The following QRICH1 variants were observed in gnomAD, a reference collection of about 807,000 sequenced individuals.
QRICH1 encodes the protein glutamine rich 1, also known as transcriptional regulator QRICH1.
Under a neutral mutation model 87.1 loss-of-function variants are expected in QRICH1, and 16 were observed. The ratio of observed to expected loss-of-function variants is 0.18; its 90% confidence interval spans 0.12 to 0.28. The LOEUF is 0.28. Ranked by LOEUF, QRICH1 falls within the 10% of genes least tolerant of loss-of-function variation. QRICH1 has a pLI of 1.00. For missense variants in QRICH1, 647 were observed against 951.7 expected, an observed-to-expected ratio of 0.68 and a Z score of 4.21; for synonymous variants, 367 against 368.4, an observed-to-expected ratio of 1.00 and a Z score of 0.05.
chr3:49,038,398 C>CT (rs1198498819), intron 6 of QRICH1, among the ~76,000 whole-genome samples: 2 of 151,594 alleles, frequency 1.3e-5, no homozygotes, highest in East Asian at 3.9e-4. Flanking sequence ...ATGGATTTAC[C>CT]TTTTTTGTTG....
chr3:49,037,337 A>G (rs760790457), intron 6 of QRICH1, among the ~76,000 whole-genome samples: 1 of 152,266 alleles, frequency 6.6e-6, no homozygotes, highest in Non-Finnish European at 1.5e-5. Flanking sequence ...ACTACACTAC[A>G]GAGTGCAATC....
At chr3:49,044,651 A>C in intron 5 of QRICH1, 147 bp from the exon 6 acceptor site, 1 of 589,522 alleles carries the variant, frequency 1.7e-6, no homozygotes. Flanking sequence ...TGACACTTCC[A>C]TAGTATGCCT....
intron 2 of QRICH1, among the ~76,000 whole-genome samples, chr3:49,058,820 A>G (rs1423878439): frequency 6.6e-6 from 1 of 151,310 alleles, no homozygotes; most frequent in Non-Finnish European, 1.5e-5. Flanking sequence ...TAGAGACAGG[A>G]TTTCTCCATG....
At chr3:49,052,754 C>T (rs1196120969) in intron 3 of QRICH1, among the ~76,000 whole-genome samples, 2 of 152,230 alleles carry the variant, frequency 1.3e-5, no homozygotes, top group East Asian at 1.9e-4. Context: ...CCACCCACCT[C>T]GGCCTCCAAA....
intron 8 of QRICH1, 170 bp from the exon 9 acceptor site, chr3:49,032,443 T>C (rs2093247074): frequency 2.2e-6 from 2 of 889,636 alleles, no homozygotes; most frequent in African/African-American, 1.7e-5. Flanking sequence ...AGCTATTCTG[T>C]CTGGGGCTTC....
intron 1 of QRICH1, among the ~76,000 whole-genome samples, chr3:49,088,022 G>C (rs1159963904): frequency 6.6e-6 from 1 of 150,596 alleles, no homozygotes; most frequent in African/African-American, 2.4e-5. Flanking sequence ...CACAATCTCG[G>C]CTCACTGCAA....
Position 49,047,048 on chromosome 3 carries a change from CTCT to C in QRICH1, c.1516+18_1516+20del. On this transcript the variant is annotated intron_variant, in intron 4 of 9. Transcript: ENST00000395443. ...ACCATTGCATTTTAGACACAGCCCA[CTCT>C]TCTTCCAAGACACTCACTCCCAATG... The C allele has an allele frequency of 6.3e-7, 1 of 1,599,080 alleles. No individual in the cohort carries two copies. Among genetic ancestry groups the C allele is most frequent in the East Asian group, 2.2e-5 (1 of 44,554 alleles).
intron 2 of QRICH1, among the ~76,000 whole-genome samples, chr3:49,059,064 C>T (rs1244031674): frequency 6.6e-6 from 1 of 151,636 alleles, no homozygotes; most frequent in Admixed American, 6.6e-5. Flanking sequence ...CGGGTTCACG[C>T]CATTCTCCTG....
intron 5 of QRICH1, among the ~76,000 whole-genome samples, chr3:49,045,761 A>G (rs1205197929): frequency 5.3e-5 from 8 of 150,552 alleles, no homozygotes; most frequent in Non-Finnish European, 1.2e-4. Context: ...TACCATACCC[A>G]GCTAATTTTT....
intron 2 of QRICH1, among the ~76,000 whole-genome samples, chr3:49,074,917 T>A (rs2041918409): frequency 6.6e-6 from 1 of 151,892 alleles, no homozygotes; most frequent in African/African-American, 2.4e-5. Flanking sequence ...AGGCAGAGCT[T>A]GCAGTGAGCT....
chr3:49,063,097 AAC>A (rs2093445027), intron 2 of QRICH1, among the ~76,000 whole-genome samples: 1 of 152,154 alleles, frequency 6.6e-6, no homozygotes, highest in African/African-American at 2.4e-5. Context: ...TTAACCTCTA[AAC>A]AGTTTCTTTA....
At chr3:49,059,701 C>T (rs1365406857) in intron 2 of QRICH1, among the ~76,000 whole-genome samples, 1 of 151,046 alleles carries the variant, frequency 6.6e-6, no homozygotes, top group Non-Finnish European at 1.5e-5. Flanking sequence ...GGATTACAGG[C>T]TTGAGCCACC....
intron 1 of QRICH1, among the ~76,000 whole-genome samples, chr3:49,080,342 T>A (rs1021869017): frequency 1.3e-5 from 2 of 152,088 alleles, no homozygotes; most frequent in Non-Finnish European, 2.9e-5. Context: ...ATTTTTTTTT[T>A]AAGGTACAAA....
chr3:49,060,126 G>A (rs566756440), intron 2 of QRICH1, among the ~76,000 whole-genome samples: 18 of 150,814 alleles, frequency 1.2e-4, no homozygotes, highest in African/African-American at 3.4e-4. Flanking sequence ...CTCATGATCC[G>A]CCCACCTCGG....
In QRICH1 at chr3:49,057,916, A is replaced by G. The variant is rs1361510792; in HGVS notation, c.310-26T>C. 3 of 1,614,058 alleles carry G rather than the reference A, an allele frequency of 1.9e-6. No individual in the cohort carries two copies. The highest frequency in any genetic ancestry group is 2.5e-6 in the Non-Finnish European group (3 of 1,180,002). ...CTGTAAGCAACAAGATTCATCAGTG[A>G]GTGAACCAGGCAGCACTGAAAATCC... On this transcript the variant is annotated intron_variant, in intron 2 of 9. Coordinates refer to ENST00000395443, the MANE Select transcript of QRICH1 (RefSeq NM_198880.3). This position sits in a 1 kb window ranked among gnomAD's most constrained non-coding sequence, Gnocchi z 5.4.
intron 1 of QRICH1, among the ~76,000 whole-genome samples, chr3:49,082,396 A>G (rs1370581666): frequency 6.6e-6 from 1 of 152,186 alleles, no homozygotes; most frequent in Admixed American, 6.6e-5. Flanking sequence ...TGCCTATGTC[A>G]TCTCCAAATA....
chr3:49,077,174 A>G (rs921293865), intron 1 of QRICH1, 136 bp from the exon 2 acceptor site: 1 of 459,648 alleles, frequency 2.2e-6, no homozygotes, highest in Non-Finnish European at 3.6e-6. Context: ...GTTTTATTAT[A>G]CCACCTTATT....
intron 1 of QRICH1, among the ~76,000 whole-genome samples, chr3:49,077,454 T>G (rs773149225): frequency 4.6e-5 from 7 of 152,286 alleles, no homozygotes; most frequent in East Asian, 3.9e-4. Context: ...ATGGATATGT[T>G]TTATTTCCAA....
chr3:49,042,076 GTTTTT>G, intron 6 of QRICH1, among the ~76,000 whole-genome samples: 1 of 70,880 alleles, frequency 1.4e-5, no homozygotes. Context: ...CCCAGACTGT[GTTTTT>G]TTTTTTTTTT....
Sources: allele counts gnomAD v4.1 joint callset (sites outside exome capture counted in the v4.1 genomes callset), GRCh38; gene constraint gnomAD v4.1.1; non-coding constraint Gnocchi (gnomAD v3.1); transcripts MANE v1.5; gene names NCBI Gene and HGNC (gene_info 2026-07-23, HGNC 2026-07-21).